ZEB1: variants seen among roughly 807,000 people sequenced by gnomAD.
The protein encoded by ZEB1 is zinc finger E-box binding homeobox 1, also known as zinc finger E-box-binding homeobox 1.
A neutral mutation model predicts 84.9 loss-of-function variants in ZEB1; 21 were observed. The ratio of observed to expected loss-of-function variants is 0.25; its 90% CI spans 0.18 to 0.36. ZEB1 has a LOEUF of 0.36. Among genes scored for constraint, ZEB1 ranks in the 10% least tolerant of loss-of-function variants. The pLI, the probability that ZEB1 is intolerant of heterozygous loss-of-function variation, is 1.00. For missense variants in ZEB1, 1,104 were observed against 1,330.2 expected, an observed-to-expected ratio of 0.83 and a Z score of 2.65; for synonymous variants, 420 against 471.1, an observed-to-expected ratio of 0.89 and a Z score of 1.41.
chr10:31,475,248 C>G (rs1259165659), intron 2 of ZEB1, among the ~76,000 whole-genome samples: 3 of 150,438 alleles, frequency 2.0e-5, no homozygotes, highest in Non-Finnish European at 4.4e-5. Flanking sequence ...CCCAATCAGA[C>G]AAAAAATAAG....
chr10:31,371,096 G>A (rs375588991), intron 1 of ZEB1, among the ~76,000 whole-genome samples: 5 of 151,964 alleles, frequency 3.3e-5, no homozygotes, highest in African/African-American at 7.3e-5. Context: ...CATGATCATC[G>A]TCTGCTGGAA....
intron 1 of ZEB1, among the ~76,000 whole-genome samples, chr10:31,370,274 G>A (rs977828802): frequency 6.6e-6 from 1 of 152,044 alleles, no homozygotes; most frequent in Admixed American, 6.6e-5. Context: ...GGCTTACTTT[G>A]TTACCCAATC....
chr10:31,351,016 C>G (rs1239574141), intron 1 of ZEB1, among the ~76,000 whole-genome samples: 1 of 152,126 alleles, frequency 6.6e-6, no homozygotes, highest in Non-Finnish European at 1.5e-5. Flanking sequence ...CAGTTCCCTT[C>G]TCCCCCATTA....
At chr10:31,495,300 A>G (rs2067065977) in intron 2 of ZEB1, among the ~76,000 whole-genome samples, 2 of 152,072 alleles carry the variant, frequency 1.3e-5, no homozygotes, top group African/African-American at 2.4e-5. Flanking sequence ...ATATAATTCT[A>G]CCGTCTATAG....
chr10:31,435,974 A>C (rs1168946390), intron 1 of ZEB1, among the ~76,000 whole-genome samples: 1 of 152,160 alleles, frequency 6.6e-6, no homozygotes, highest in Non-Finnish European at 1.5e-5. Flanking sequence ...ATGAGTTCCA[A>C]AAGATGAGTA....
chr10:31,452,115 A>G (rs1187902764), intron 1 of ZEB1, among the ~76,000 whole-genome samples: 1 of 152,148 alleles, frequency 6.6e-6, no homozygotes, highest in Non-Finnish European at 1.5e-5. Context: ...AAAAGAGTTT[A>G]TGAAGATTTT....
rs2039567731 is a variant in ZEB1 at position 31,342,480 on chromosome 10, C to G, written c.58+23188C>G. 3.3e-5 allele frequency among the ~76,000 whole-genome samples: 5 copies of G among 151,942 alleles called. No individual in the cohort carries two copies. In the South Asian group the frequency reaches 1.0e-3, roughly 31 times the overall value. On this transcript the variant is annotated intron_variant, in intron 1 of 8. Transcript: ENST00000424869. ...TATGATTTTTTGAGATAGGGTTGTT[C>G]AGTGTTATGACAAAGGGTCAAGTCT...
chr10:31,319,565 C>G, intron 1 of ZEB1: 2 of 432,954 alleles, frequency 4.6e-6, no homozygotes, highest in Non-Finnish European at 4.0e-6. Flanking sequence ...CCTCCCTGGA[C>G]CGTTAGCCGG....
At chr10:31,467,322 C>T (rs943649045) in intron 2 of ZEB1, among the ~76,000 whole-genome samples, 3 of 152,204 alleles carry the variant, frequency 2.0e-5, no homozygotes, top group Non-Finnish European at 4.4e-5. Context: ...CAAAACGTGA[C>T]TCTGGGCACC....
intron 8 of ZEB1, among the ~76,000 whole-genome samples, chr10:31,526,347 C>T (rs1176276497): frequency 1.3e-5 from 2 of 152,168 alleles, no homozygotes; most frequent in African/African-American, 2.4e-5. Context: ...TCACTGTGCT[C>T]GTTCACTACC....
In ZEB1 at chr10:31,521,404, C is replaced by A. The variant is rs768288824; in HGVS notation, c.2072C>A (p.Pro691Gln). The A allele has an allele frequency of 1.2e-6, 2 of 1,613,946 alleles. No homozygotes were observed. The highest frequency in any genetic ancestry group is 2.7e-5 in the African/African-American group (2 of 74,910). Residue 691 changes from proline to glutamine, a missense_variant, in exon 7 of 9, where the codon CCA becomes CAA. Transcript: ENST00000424869. ...AAGATGACTAACTCCCCAGTTTTAC[C>A]AGTGGGATCAACCACCAATGGTTCC... is the stretch of plus-strand genomic sequence containing the variant. ...PLKMTNSPVLPVGSTTNGSRS... is the reference protein window; with the variant it reads ...PLKMTNSPVLQVGSTTNGSRS...
At chr10:31,484,304 C>A (rs2065447439) in intron 2 of ZEB1, among the ~76,000 whole-genome samples, 1 of 151,902 alleles carries the variant, frequency 6.6e-6, no homozygotes, top group South Asian at 2.1e-4. Flanking sequence ...ATTCTGCAGA[C>A]CACAATGTAA....
chr10:31,318,869 A>T (rs1199832885), upstream of ZEB1: 4 of 349,206 alleles, frequency 1.1e-5, no homozygotes, highest in African/African-American at 6.4e-5. Context: ...GCGCGGAGGC[A>T]GGACGCCGCC....
chr10:31,496,983 T>C (rs2067328223), intron 3 of ZEB1, among the ~76,000 whole-genome samples: 1 of 152,130 alleles, frequency 6.6e-6, no homozygotes, highest in African/African-American at 2.4e-5. Context: ...GAGTATGTGA[T>C]AATTTGTGGT....
At chr10:31,437,499 A>T (rs1180455469) in intron 1 of ZEB1, among the ~76,000 whole-genome samples, 1 of 152,188 alleles carries the variant, frequency 6.6e-6, no homozygotes, top group Non-Finnish European at 1.5e-5. Flanking sequence ...TTCCAATTAA[A>T]ATTTCATTAA....
intron 1 of ZEB1, among the ~76,000 whole-genome samples, chr10:31,446,568 C>G (rs546015254): frequency 1.4e-4 from 21 of 151,492 alleles, no homozygotes; most frequent in African/African-American, 3.9e-4. Context: ...AAATTTCCCT[C>G]TACACACTGC....
intron 2 of ZEB1, among the ~76,000 whole-genome samples, chr10:31,474,653 C>G (rs1439055917): frequency 6.6e-6 from 1 of 152,110 alleles, no homozygotes; most frequent in Non-Finnish European, 1.5e-5. Context: ...GTCAGTGCGG[C>G]GATTCCTCAG....
At chr10:31,429,125 T>C (rs1259982628) in intron 1 of ZEB1, among the ~76,000 whole-genome samples, 2 of 152,206 alleles carry the variant, frequency 1.3e-5, no homozygotes, top group East Asian at 3.9e-4. Context: ...CTAGTTACTT[T>C]GCAGACTTGT....
intron 2 of ZEB1, among the ~76,000 whole-genome samples, chr10:31,487,515 C>G (rs961488990): frequency 1.3e-5 from 2 of 151,360 alleles, no homozygotes; most frequent in African/African-American, 4.8e-5. Flanking sequence ...GAGATAAGAA[C>G]TGTGAATGGC....
Sources: gnomAD v4.1 joint callset for allele counts (sites outside exome capture counted in the v4.1 genomes callset) on GRCh38, gnomAD v4.1.1 for gene constraint, MANE v1.5 for transcripts, NCBI Gene and HGNC (gene_info 2026-07-23, HGNC 2026-07-21) for gene names.